Variants in CALN1 observed in about 807,000 individuals in gnomAD.
CALN1 encodes calcium-binding protein 8.
A neutral mutation model predicts 30.6 loss-of-function variants in CALN1; 17 were observed. The observed-to-expected ratio is 0.56, with a 90% CI of 0.38 to 0.83. CALN1 has a LOEUF of 0.83. CALN1 is among the 40% of genes least tolerant of loss of function. The pLI is 0.00. For synonymous variants in CALN1, 156 were observed against 131.4 expected, an observed-to-expected ratio of 1.19 and a Z score of -1.28; for missense variants, 291 against 354.9, an observed-to-expected ratio of 0.82 and a Z score of 1.45.
At chr7:72,344,994 GAT>G (rs1033708732) in intron 2 of CALN1, among the ~76,000 whole-genome samples, 28 of 138,362 alleles carry the variant, frequency 2.0e-4, no homozygotes, top group African/African-American at 8.1e-4. Context: ...TAAAAATAAT[GAT>G]ATATAATACA....
At chr7:72,364,524 T>C (rs1438622990) in intron 2 of CALN1, among the ~76,000 whole-genome samples, 1 of 152,218 alleles carries the variant, frequency 6.6e-6, no homozygotes, top group Non-Finnish European at 1.5e-5. Flanking sequence ...TGTCTCTCTC[T>C]CTTTTAACTA....
intron 3 of CALN1, among the ~76,000 whole-genome samples, chr7:72,159,717 G>C (rs566128825): frequency 2.6e-5 from 4 of 152,216 alleles, no homozygotes; most frequent in African/African-American, 9.6e-5. Flanking sequence ...AGGATGGCTT[G>C]AACCTGGGAG....
At chr7:72,448,168 A>T (rs1388565512), upstream of CALN1, among the ~76,000 whole-genome samples, 1 of 152,190 alleles carries the variant, frequency 6.6e-6, no homozygotes, top group African/African-American at 2.4e-5. Flanking sequence ...CCATGCACAC[A>T]CACCTACTTG....
chr7:72,368,640 CG>C (rs1262681870), intron 2 of CALN1, among the ~76,000 whole-genome samples: 4 of 151,720 alleles, frequency 2.6e-5, no homozygotes, highest in African/African-American at 9.7e-5. Flanking sequence ...TCAGATCATA[CG>C]GAGGTCATCT....
chr7:72,150,490 C>T lies in CALN1; in HGVS notation c.245-44196G>A, dbSNP rs149674338. ...AAAGCAGGCAGTGTGCTGAGATGAC[C>T]GGGAGGGTAAGAGGCTCTCCCTTGA... On this transcript the variant is annotated intron_variant, in intron 3 of 6. Transcript: ENST00000395275. 6.7e-4 allele frequency among the ~76,000 whole-genome samples: 102 copies of T among 152,122 alleles called. No individual in the cohort carries two copies. In the East Asian group the frequency reaches 0.018, roughly 27 times the overall value.
In CALN1 at chr7:71,898,387, A is replaced by G. The variant is rs139778029; in HGVS notation, c.502-87895T>C. Among the ~76,000 whole-genome samples, 25 of 152,294 alleles carry G rather than the reference A, an allele frequency of 1.6e-4. No homozygotes were observed. The East Asian group carries it at 4.2e-3, about 26-fold the overall frequency. On this transcript the variant is annotated intron_variant, in intron 5 of 6. Transcript: ENST00000395275. ...AATTTAAAACTCAATAGTTGGGTGT[A>G]ACAGCAGATTGGACATGGCTGATAA...
chr7:72,400,558 T>G (rs1035251088), intron 2 of CALN1, among the ~76,000 whole-genome samples: 10 of 152,264 alleles, frequency 6.6e-5, no homozygotes, highest in Middle Eastern at 3.4e-3. Context: ...AGAGGCTACA[T>G]TACATGAGGC....
chr7:72,141,412 C>A (rs902606938), intron 3 of CALN1, among the ~76,000 whole-genome samples: 5 of 152,124 alleles, frequency 3.3e-5, no homozygotes, highest in African/African-American at 1.2e-4. Flanking sequence ...CCAGCCCTGG[C>A]AACATGGTGA....
At chr7:72,504,266 T>C in the CALN1 span, among the ~76,000 whole-genome samples, 1 of 152,192 alleles carries the variant, frequency 6.6e-6, no homozygotes, top group Non-Finnish European at 1.5e-5. Flanking sequence ...TCTATTTCCA[T>C]GATGAAATAC....
intron 2 of CALN1, among the ~76,000 whole-genome samples, chr7:72,299,498 A>G (rs1799102965): frequency 6.6e-6 from 1 of 152,182 alleles, no homozygotes; most frequent in Non-Finnish European, 1.5e-5. Context: ...TAGCCTTGCC[A>G]GTATAAAAAT....
At chr7:72,130,694 C>T (rs1328281147) in intron 3 of CALN1, among the ~76,000 whole-genome samples, 1 of 152,122 alleles carries the variant, frequency 6.6e-6, no homozygotes, top group African/African-American at 2.4e-5. Flanking sequence ...ATGAGGGACA[C>T]TTTCAGTATA....
chr7:72,491,011 G>A, the CALN1 span, among the ~76,000 whole-genome samples: 11 of 152,248 alleles, frequency 7.2e-5, no homozygotes, highest in African/African-American at 2.2e-4. Context: ...TTGGGAGGCC[G>A]AGGCGGGTGG....
chr7:72,058,896 C>A (rs1393059679), intron 4 of CALN1, among the ~76,000 whole-genome samples: 1 of 152,146 alleles, frequency 6.6e-6, no homozygotes, highest in Non-Finnish European at 1.5e-5. Flanking sequence ...AGAACGCTGT[C>A]TGGCTTTAAA....
At chr7:72,130,727 T>C (rs564599198) in intron 3 of CALN1, among the ~76,000 whole-genome samples, 18 of 152,290 alleles carry the variant, frequency 1.2e-4, no homozygotes, top group African/African-American at 4.1e-4. Flanking sequence ...TGTTGAAATT[T>C]GTACCATTAA....
At chr7:71,941,407 C>CG (rs1218144181) in intron 5 of CALN1, among the ~76,000 whole-genome samples, 2 of 151,530 alleles carry the variant, frequency 1.3e-5, no homozygotes, top group East Asian at 3.9e-4. Context: ...AGTTAACTGA[C>CG]GGGGGGAAGA....
At chr7:72,054,044 T>G in intron 4 of CALN1, among the ~76,000 whole-genome samples, 1 of 152,306 alleles carries the variant, frequency 6.6e-6, no homozygotes, top group Non-Finnish European at 1.5e-5. Flanking sequence ...CACTCATTGA[T>G]TGATGGGCAT....
chr7:71,834,105 C>T lies in CALN1; in HGVS notation c.502-23613G>A, dbSNP rs1441324502. ...GGCATGGTAGTGCGTGCCTATAGTC[C>T]CAGCTACTCGGGAGGCCGAGGCAGG... On this transcript the variant is annotated intron_variant, in intron 5 of 6. Transcript: ENST00000395275. 2.0e-5 allele frequency among the ~76,000 whole-genome samples: 3 copies of T among 150,852 alleles called. No individual in the cohort carries two copies. In the East Asian group the frequency reaches 5.9e-4, roughly 29 times the overall value.
intron 2 of CALN1, among the ~76,000 whole-genome samples, chr7:72,316,761 A>C (rs1341119314): frequency 6.6e-6 from 1 of 151,944 alleles, no homozygotes; most frequent in African/African-American, 2.4e-5. Context: ...CTGTAACAGC[A>C]TAGTGAGACC....
chr7:72,461,165 ACAT>A, the CALN1 span, among the ~76,000 whole-genome samples: 1 of 152,128 alleles, frequency 6.6e-6, no homozygotes, highest in Admixed American at 6.6e-5. Context: ...AAAAAGTAAC[ACAT>A]CGGTGAGACT....
Sources: gnomAD v4.1 joint callset for allele counts (sites outside exome capture counted in the v4.1 genomes callset) on GRCh38, gnomAD v4.1.1 for gene constraint, MANE v1.5 for transcripts, NCBI Gene and HGNC (gene_info 2026-07-23, HGNC 2026-07-21) for gene names.